LRRC15: variants seen among roughly 807,000 people sequenced by gnomAD.
LRRC15 encodes the protein leucine-rich repeat-containing protein 15.
Under a neutral mutation model 4.3 loss-of-function variants are expected in LRRC15, and 5 were observed. The observed-to-expected ratio is 1.16, with a 90% confidence interval of 0.61 to 2.44. The LOEUF (loss-of-function observed/expected upper bound fraction) is 2.44, where lower values mean the gene tolerates loss of function less well. Among genes scored for constraint, LRRC15 ranks in the 30% most tolerant of loss-of-function variants. The pLI, the probability that LRRC15 is intolerant of heterozygous loss-of-function variation, is 0.01. For synonymous variants in LRRC15, 337 were observed against 323.2 expected (o/e 1.04, Z -0.46); for missense variants, 769 against 747.0 (o/e 1.03, Z -0.34).
chr3:194,360,953 AG>A lies in LRRC15; in HGVS notation c.90del (p.Cys31AlafsTer26). On this transcript the variant is annotated frameshift_variant, in exon 2 of 2. Transcript: ENST00000347624. LOFTEE classifies it low-confidence loss of function (END_TRUNC). ...CACTCCACCTGGGAGGCCCTGGAGCAGGTACACTCGCTAGGGCAGCCATGGT... is the reference window on the plus strand; with the variant it reads ...CACTCCACCTGGGAGGCCCTGGAGCAGTACACTCGCTAGGGCAGCCATGGT... ...LAYHGCPSEC[T>X]CSRASQVECT... is the part of the protein sequence containing the mutation. The A allele has an allele frequency of 6.3e-7, 1 of 1,586,028 alleles. No homozygotes were observed. Among genetic ancestry groups the A allele is most frequent in the Non-Finnish European group, 8.6e-7 (1 of 1,168,848 alleles).
chr3:194,366,935 A>G (rs1422832149), intron 1 of LRRC15, among the ~76,000 whole-genome samples: 1 of 151,888 alleles, frequency 6.6e-6, no homozygotes, highest in African/African-American at 2.4e-5. Context: ...GAGCCTCATC[A>G]CCGGGATTTG....
Position 194,359,618 on chromosome 3 carries a change from C to A in LRRC15, c.1426G>T (p.Val476Phe). The change falls in exon 2 of 2, where the codon GTC (valine) becomes TTC (phenylalanine). Residue 476 changes from valine to phenylalanine, a missense_variant. Coordinates refer to ENST00000347624, the MANE Select transcript of LRRC15 (RefSeq NM_130830.5). ...TAACTAGGCACCTCGGGGACATGGA[C>A]GCTTGGAACAGCAACGTTGACATTG... is the stretch of plus-strand genomic sequence containing the variant. ...IINVNVAVPS[V>F]HVPEVPSYPE... is the part of the protein sequence containing the mutation. 3.1e-6 allele frequency: 5 copies of A among 1,613,788 alleles called. No homozygotes were observed. Among genetic ancestry groups the A allele is most frequent in the Non-Finnish European group, 4.2e-6 (5 of 1,179,870 alleles).
At chr3:194,362,934 A>ATTTTTTTTTT in intron 1 of LRRC15, among the ~76,000 whole-genome samples, 1 of 114,746 alleles carries the variant, frequency 8.7e-6, no homozygotes, top group Non-Finnish European at 1.7e-5. Flanking sequence ...ACAGACCTTG[A>ATTTTTTTTTT]TTTTGTTTTT....
chr3:194,358,382 T>G lies in LRRC15; in HGVS notation c.*916A>C, dbSNP rs2108656326. 1.3e-5 allele frequency: 2 copies of G among 152,348 alleles called. No homozygotes were observed. Among genetic ancestry groups the G allele is most frequent in the South Asian group, 4.1e-4 (2 of 4,826 alleles). 9.4% of individuals were successfully genotyped at this position (152,348 alleles called of 1,614,324 possible). A position where few individuals can be genotyped will look rare whatever the true frequency, so the allele number is the denominator to read the frequency against. On this transcript the variant is annotated 3_prime_UTR_variant, in exon 2 of 2. Coordinates refer to ENST00000347624, the MANE Select transcript of LRRC15 (RefSeq NM_130830.5). ...CACTTCACATGCTTCAATTAAAAATTTTAAAACAAACTCTAGGGGTGAACA... is the reference window on the plus strand; with the variant it reads ...CACTTCACATGCTTCAATTAAAAATGTTAAAACAAACTCTAGGGGTGAACA...
At position 194,359,828 on chromosome 3, in the gene LRRC15, G is replaced by A. The variant is rs760884751; in HGVS notation, c.1216C>T (p.Leu406Phe). ...LQNNQLENLP[L>F]GIFDHLGKLC... ...TTCCCCAGGTGATCGAAGATGCCGA[G>A]GGGCAAGTTCTCCAGCTGGTTGTTC... Residue 406 changes from leucine (L) to phenylalanine (F), a missense_variant, in exon 2 of 2, where the codon CTC (leucine) becomes TTC (phenylalanine). By Grantham distance (22) the Leu-to-Phe change is conservative. Transcript: ENST00000347624. 2.5e-6 allele frequency: 4 copies of A among 1,613,928 alleles called. No homozygotes were observed. Among genetic ancestry groups the A allele is most frequent in the Non-Finnish European group, 3.4e-6 (4 of 1,180,016 alleles).
intron 1 of LRRC15, among the ~76,000 whole-genome samples, chr3:194,367,542 A>G (rs9866642): frequency 0.76 from 114,864 of 152,134 alleles, 43,647 homozygotes; most frequent in East Asian, 0.94. Context: ...TCCTGACCTC[A>G]TGATCCTCCC....
intron 1 of LRRC15, among the ~76,000 whole-genome samples, 156 bp downstream of exon 1, chr3:194,369,505 C>G (rs1713880168): frequency 8.5e-6 from 1 of 117,088 alleles, no homozygotes; most frequent in South Asian, 3.6e-4. Context: ...CCCTCCAGCA[C>G]AGGCTGCTTC....
At position 194,359,334 on chromosome 3, in the gene LRRC15, A is replaced by T. The variant is rs1713526056; in HGVS notation, c.1710T>A (p.Ala570=). The change falls in exon 2 of 2, where the codon GCT becomes GCA. Residue 570 remains alanine (A), a synonymous_variant. Coordinates refer to ENST00000347624, the MANE Select transcript of LRRC15 (RefSeq NM_130830.5). The stretch of plus-strand genomic sequence containing the variant: ...TGGGTGCCTTCATCTGCATCAGGAC[A>T]GCTTGGCTCCTCTTCTTGCAGCAGC... The part of the protein sequence containing the change: ...GCCCCKKRSQ[A]VLMQMKAPNE... The T allele has an allele frequency of 5.6e-6, 9 of 1,611,898 alleles. No individual in the cohort carries two copies. The highest frequency in any genetic ancestry group is 7.6e-6 in the Non-Finnish European group (9 of 1,178,894).
At chr3:194,367,615 A>G (rs1713818999) in intron 1 of LRRC15, among the ~76,000 whole-genome samples, 1 of 152,134 alleles carries the variant, frequency 6.6e-6, no homozygotes, top group Non-Finnish European at 1.5e-5. Flanking sequence ...CAGTGTGTGG[A>G]TTTGAAACTG....
In LRRC15 at chr3:194,359,678, G is replaced by A. The variant is rs745819061; in HGVS notation, c.1366C>T (p.Pro456Ser). The A allele has an allele frequency of 5.9e-5, 95 of 1,614,060 alleles. No individual in the cohort carries two copies. The highest frequency in any genetic ancestry group is 7.9e-5 in the Non-Finnish European group (93 of 1,180,044). ...GTDTVPVCFS[P>S]ANVRGQSLII... The stretch of plus-strand genomic sequence containing the variant: ...AGGGACTGGCCTCGGACATTGGCTG[G>A]GCTGAAACACACAGGTACAGTGTCC... Residue 456 changes from proline (P) to serine (S), a missense_variant, in exon 2 of 2, where the codon CCA (proline) becomes TCA (serine). Coordinates refer to ENST00000347624, the MANE Select transcript of LRRC15 (RefSeq NM_130830.5).
chr3:194,367,980 A>G (rs1300682748), intron 1 of LRRC15, among the ~76,000 whole-genome samples: 1 of 152,186 alleles, frequency 6.6e-6, no homozygotes, highest in African/African-American at 2.4e-5. Context: ...AAACTGACAA[A>G]CCGCCCAGCA....
At position 194,361,027 on chromosome 3, in the gene LRRC15, T is replaced by C. The variant is rs772760726; in HGVS notation, c.17A>G (p.Tyr6Cys). 10 of 1,514,878 alleles carry C rather than the reference T, an allele frequency of 6.6e-6. No individual in the cohort carries two copies. The highest frequency in any genetic ancestry group is 6.3e-5 in the Admixed American group (3 of 47,894). 93.8% of individuals were successfully genotyped at this position (1,514,878 alleles called of 1,614,324 possible). A position where few individuals can be genotyped will look rare whatever the true frequency, so the allele number is the denominator to read the frequency against. ...TTGGCAGCCCACCAGCAAAAGGAGA[T>C]AATGCTTCAGTGGCATAGCCTGTGC... MPLKH[Y>C]LLLLVGCQAW... The change falls in exon 2 of 2, where the codon TAT becomes TGT. Residue 6 changes from tyrosine (Y) to cysteine (C), a missense_variant. Transcript: ENST00000347624.
chr3:194,361,946 G>T (rs1713640255), intron 1 of LRRC15, among the ~76,000 whole-genome samples: 1 of 152,188 alleles, frequency 6.6e-6, no homozygotes, highest in Admixed American at 6.5e-5. Context: ...CCAGCCTTGT[G>T]GGTATAAGTC....
intron 1 of LRRC15, among the ~76,000 whole-genome samples, chr3:194,362,032 AG>A (rs2108658447): frequency 6.6e-6 from 1 of 152,296 alleles, no homozygotes; most frequent in East Asian, 1.9e-4. Context: ...TTGAGCTAAA[AG>A]ATGGTAGGTC....
At position 194,360,975 on chromosome 3, in the gene LRRC15, A is replaced by C; in HGVS notation, c.69T>G (p.His23Gln). 6.4e-7 allele frequency: 1 copy of C among 1,561,440 alleles called. No homozygotes were observed. The highest frequency in any genetic ancestry group is 8.6e-7 in the Non-Finnish European group (1 of 1,158,624). ...AGCAGGTACACTCGCTAGGGCAGCC[A>C]TGGTAGGCCAACCCTGCACCCCAGG... ...CQAWGAGLAY[H>Q]GCPSECTCSR... Residue 23 changes from histidine (H) to glutamine (Q), a missense_variant, in exon 2 of 2, where the codon CAT becomes CAG. By Grantham distance (24) the His-to-Gln change is conservative (BLOSUM62 0). Coordinates refer to ENST00000347624, the MANE Select transcript of LRRC15 (RefSeq NM_130830.5).
Position 194,359,012 on chromosome 3 carries a change from T to G in LRRC15, c.*286A>C. The G allele has an allele frequency of 3.9e-5, 11 of 282,932 alleles. No individual in the cohort carries two copies. Among genetic ancestry groups the G allele is most frequent in the East Asian group, 6.5e-5 (1 of 15,356 alleles). The allele number at this position is 282,932 out of a possible 1,614,324, so 17.5% of individuals were successfully genotyped here. A position where few individuals can be genotyped will look rare whatever the true frequency, so the allele number is the denominator to read the frequency against. ...GTTCTTGGAGGACAGGTGGGGAGGA[T>G]TTGGAGGAAGAGCCCTCTCGAAGGA... On this transcript the variant is annotated 3_prime_UTR_variant, in exon 2 of 2. Transcript: ENST00000347624.
At position 194,357,995 on chromosome 3, in the gene LRRC15, G is replaced by A. The variant is rs989024559; in HGVS notation, c.*1303C>T. On this transcript the variant is annotated 3_prime_UTR_variant, in exon 2 of 2. Coordinates refer to ENST00000347624, the MANE Select transcript of LRRC15 (RefSeq NM_130830.5). ...GTGGCTGCACGGACCTCTGCAGTCA[G>A]GATGCTTCTGACCTGGCCAGCCATG... The A allele has an allele frequency of 1.3e-5, 2 of 152,288 alleles. No individual in the cohort carries two copies. The highest frequency in any genetic ancestry group is 2.9e-5 in the Non-Finnish European group (2 of 68,074). The allele number at this position is 152,288 out of a possible 1,614,324, so 9.4% of individuals were successfully genotyped here.
At chr3:194,368,209 C>G (rs1028429058) in intron 1 of LRRC15, among the ~76,000 whole-genome samples, 1 of 152,220 alleles carries the variant, frequency 6.6e-6, no homozygotes, top group African/African-American at 2.4e-5. Flanking sequence ...TTCAGGGCAG[C>G]AAATTGCCAT....
Position 194,360,536 on chromosome 3 carries a change from C to A in LRRC15, c.508G>T (p.Asp170Tyr). 6.2e-7 allele frequency: 1 copy of A among 1,614,000 alleles called. No homozygotes were observed. The stretch of plus-strand genomic sequence containing the variant: ...AGCTTCGTGAGTCCTACCAGGTGGT[C>A]GAAGGCTCCGTCAGGGATGTATTCC... The part of the protein sequence containing the change: ...HLEYIPDGAF[D>Y]HLVGLTKLNL... Residue 170 changes from aspartate to tyrosine, a missense_variant, in exon 2 of 2, where the codon GAC becomes TAC. Coordinates refer to ENST00000347624, the MANE Select transcript of LRRC15 (RefSeq NM_130830.5).
Sources: gnomAD v4.1 joint callset for allele counts (sites outside exome capture counted in the v4.1 genomes callset) on GRCh38, gnomAD v4.1.1 for gene constraint, MANE v1.5 for transcripts, NCBI Gene and HGNC (gene_info 2026-07-23, HGNC 2026-07-21) for gene names.